The following TPCN1 variants were observed in gnomAD, a reference collection of about 807,000 sequenced individuals.
TPCN1 encodes two pore channel protein 1.
In TPCN1, 52 loss-of-function variants were observed where a neutral mutation model predicts 108.8. That is an observed-to-expected ratio of 0.48 (90% CI 0.38 to 0.60). The LOEUF (loss-of-function observed/expected upper bound fraction) is 0.60, where lower values mean the gene tolerates loss of function less well. TPCN1 is among the 20% of genes least tolerant of loss of function. TPCN1 has a pLI of 0.00. For missense variants in TPCN1, 806 were observed against 1,072.8 expected, an observed-to-expected ratio of 0.75 and a Z score of 3.47; for synonymous variants, 446 against 433.7, an observed-to-expected ratio of 1.03 and a Z score of -0.35.
chr12:113,242,305 AC>A (rs1264058147), intron 2 of TPCN1, among the ~76,000 whole-genome samples: 2 of 152,154 alleles, frequency 1.3e-5, no homozygotes, highest in Non-Finnish European at 2.9e-5. Flanking sequence ...GTTGCTCCAC[AC>A]CATTAGTCCC....
chr12:113,247,777 C>A (rs1954456996), intron 2 of TPCN1, among the ~76,000 whole-genome samples: 1 of 152,242 alleles, frequency 6.6e-6, no homozygotes. Flanking sequence ...TTTGCGATCA[C>A]CTGTGGCTTT....
intron 2 of TPCN1, among the ~76,000 whole-genome samples, chr12:113,259,364 A>C (rs1228405425): frequency 6.6e-6 from 1 of 152,156 alleles, no homozygotes; most frequent in Non-Finnish European, 1.5e-5. Flanking sequence ...CTTCCCAATG[A>C]ATGCGTCATT....
chr12:113,291,405 C>T lies in TPCN1; in HGVS notation c.1960-204C>T, dbSNP rs61943640. ...AGGCTGCCCTGGTTCTGGATCCAGT[C>T]GTCCAGGGGAGTGGCCAGGGCTCCT... On this transcript the variant is annotated intron_variant, in intron 23 of 27. Coordinates refer to ENST00000335509, the MANE Select transcript of TPCN1 (RefSeq NM_017901.6). 4,107 of 604,942 alleles carry T rather than the reference C, an allele frequency of 6.8e-3. 42 individuals carry two copies. The highest frequency in any genetic ancestry group is 8.3e-3 in the Admixed American group (283 of 34,124). 37.5% of individuals were successfully genotyped at this position (604,942 alleles called of 1,614,324 possible).
intron 27 of TPCN1, among the ~76,000 whole-genome samples, chr12:113,293,785 C>T (rs868834492): frequency 6.6e-6 from 1 of 152,354 alleles, no homozygotes. Flanking sequence ...ACAGCCTCCT[C>T]CCAGCCCCAG....
chr12:113,223,289 A>G (rs1303313350), intron 1 of TPCN1, among the ~76,000 whole-genome samples: 1 of 152,230 alleles, frequency 6.6e-6, no homozygotes, highest in Non-Finnish European at 1.5e-5. Context: ...GAGTTGTTCC[A>G]ATGATTCGAG....
At chr12:113,261,165 C>T (rs1955015878) in intron 3 of TPCN1, among the ~76,000 whole-genome samples, 1 of 151,978 alleles carries the variant, frequency 6.6e-6, no homozygotes, top group Admixed American at 6.5e-5. Flanking sequence ...GCCTGGGTGA[C>T]AATGCAAGAC....
intron 23 of TPCN1, 64 bp from the exon 24 acceptor site, chr12:113,291,545 C>T: frequency 7.0e-7 from 1 of 1,421,646 alleles, no homozygotes; most frequent in Non-Finnish European, 9.8e-7. Flanking sequence ...ATGGAGCAGC[C>T]TGTGTAGACG....
In TPCN1 at chr12:113,273,368, C is replaced by T; in HGVS notation, c.842+78C>T. ...CTTTCTCTTTTCTGCCAAGTATATTCCACATCCCAGCACAGGCAGGTGCTG... is the reference window on the plus strand; with the variant it reads ...CTTTCTCTTTTCTGCCAAGTATATTTCACATCCCAGCACAGGCAGGTGCTG... On this transcript the variant is annotated intron_variant, in intron 9 of 27. Coordinates refer to ENST00000335509, the MANE Select transcript of TPCN1 (RefSeq NM_017901.6). This position sits in a 1 kb window ranked among gnomAD's most constrained non-coding sequence, Gnocchi z 4.0. The T allele has an allele frequency of 6.7e-7, 1 of 1,496,896 alleles. No homozygotes were observed. Among genetic ancestry groups the T allele is most frequent in the Non-Finnish European group, 9.3e-7 (1 of 1,073,870 alleles). 92.7% of individuals were successfully genotyped at this position (1,496,896 alleles called of 1,614,324 possible).
chr12:113,257,045 TA>T (rs1182499430), intron 2 of TPCN1, among the ~76,000 whole-genome samples: 3 of 149,402 alleles, frequency 2.0e-5, no homozygotes, highest in Admixed American at 6.7e-5. Context: ...AATTTAATAA[TA>T]AAAAAAAAGA....
At position 113,273,290 on chromosome 12, in the gene TPCN1, A is replaced by G; in HGVS notation, c.842A>G (p.Asn281Ser). The change falls in exon 9 of 28, where the codon AAT (asparagine) becomes AGT (serine). Residue 281 changes from asparagine (N) to serine (S), a missense_variant and splice_region_variant. Transcript: ENST00000335509. This position sits in a 1 kb window ranked among gnomAD's most constrained non-coding sequence, Gnocchi z 4.0. Reference sequence around the variant, plus strand: ...CTGTTTGTCCTTCTGACCACAGCCAAGTAAGTGCAGGCTCTGCCTTGCCTT... The same window carrying G: ...CTGTTTGTCCTTCTGACCACAGCCAGGTAAGTGCAGGCTCTGCCTTGCCTT... ...VSLFVLLTTANFPDVMMPSYS... is the reference protein window; with the variant it reads ...VSLFVLLTTASFPDVMMPSYS... 1 of 1,614,238 alleles carries G rather than the reference A, an allele frequency of 6.2e-7. No homozygotes were observed. Among genetic ancestry groups the G allele is most frequent in the Non-Finnish European group, 8.5e-7 (1 of 1,180,038 alleles).
intron 12 of TPCN1, 93 bp from the exon 13 acceptor site, chr12:113,278,096 C>T: frequency 9.6e-7 from 1 of 1,038,268 alleles, no homozygotes; most frequent in Non-Finnish European, 1.5e-6. Context: ...TCCCTCACCC[C>T]ATAAAGGTGT....
At chr12:113,245,851 T>G in intron 2 of TPCN1, 1 of 421,360 alleles carries the variant, frequency 2.4e-6, no homozygotes, top group South Asian at 1.7e-5. Flanking sequence ...TTCCTGCTCC[T>G]CCCCAGTGCA....
intron 2 of TPCN1, among the ~76,000 whole-genome samples, chr12:113,236,614 CAAAAA>C (rs1953905075): frequency 6.8e-6 from 1 of 147,524 alleles, no homozygotes. Context: ...GACCCTGTCT[CAAAAA>C]GAAAAAAAAA....
At chr12:113,253,945 C>T (rs1954740208) in intron 2 of TPCN1, among the ~76,000 whole-genome samples, 1 of 152,250 alleles carries the variant, frequency 6.6e-6, no homozygotes, top group South Asian at 2.1e-4. Flanking sequence ...CATCTGCATT[C>T]CTCATCCCCG....
rs1955739526 is a variant in TPCN1, at chr12:113,278,242, GTTC to G, written c.1233+10_1233+12del. On this transcript the variant is annotated splice_donor_region_variant and intron_variant, in intron 13 of 27. Transcript: ENST00000335509. Reference sequence around the variant, plus strand: ...GTTGCTGCTTTGAAGTGGAAGGTGAGTTCTTCTCTGAGACCATAGAAGGAGTAG... The same window carrying G: ...GTTGCTGCTTTGAAGTGGAAGGTGAGTTCTCTGAGACCATAGAAGGAGTAG... 2 of 1,613,696 alleles carry G rather than the reference GTTC, an allele frequency of 1.2e-6. No individual in the cohort carries two copies. The highest frequency in any genetic ancestry group is 1.1e-5 in the South Asian group (1 of 91,062).
At chr12:113,229,332 C>G (rs1442271598) in intron 2 of TPCN1, among the ~76,000 whole-genome samples, 1 of 152,230 alleles carries the variant, frequency 6.6e-6, no homozygotes, top group African/African-American at 2.4e-5. Context: ...ATTCACCAAG[C>G]CTGGCTGGGA....
Position 113,289,528 on chromosome 12 carries a change from G to A in TPCN1, c.1797-600G>A, listed in dbSNP as rs1355788852. ...CATTGCAGTCACCAGGGAGCTTAGT[G>A]CAAGCTCCAGACCTCACTCTTGTGT... is the stretch of plus-strand genomic sequence containing the variant. On this transcript the variant is annotated intron_variant, in intron 21 of 27. Transcript: ENST00000335509. This position sits in a 1 kb window ranked among gnomAD's most constrained non-coding sequence, Gnocchi z 4.1. Among the ~76,000 whole-genome samples, 1 of 152,218 alleles carries A rather than the reference G, an allele frequency of 6.6e-6. No homozygotes were observed. The highest frequency in any genetic ancestry group is 1.5e-5 in the Non-Finnish European group (1 of 68,044).
chr12:113,239,723 C>G (rs1009417913), intron 2 of TPCN1, among the ~76,000 whole-genome samples: 1 of 152,228 alleles, frequency 6.6e-6, no homozygotes, highest in Non-Finnish European at 1.5e-5. Context: ...TCTCTGCTTC[C>G]AGCTTCGAAC....
At chr12:113,292,300 T>C (rs1956293902) in intron 25 of TPCN1, 1 of 316,080 alleles carries the variant, frequency 3.2e-6, no homozygotes, top group Non-Finnish European at 5.9e-6. Flanking sequence ...CTTCTGTTAG[T>C]CATCTCCACG....
Sources: gnomAD v4.1 joint callset for allele counts (sites outside exome capture counted in the v4.1 genomes callset) on GRCh38, gnomAD v4.1.1 for gene constraint, Gnocchi (gnomAD v3.1) non-coding constraint, MANE v1.5 for transcripts, NCBI Gene and HGNC (gene_info 2026-07-23, HGNC 2026-07-21) for gene names.